Variants in DNAI2 observed in about 807,000 individuals in gnomAD.
DNAI2 encodes the protein dynein, axonemal, intermediate polypeptide 2.
In DNAI2, 63 loss-of-function variants were observed where a neutral mutation model predicts 74.7. The observed-to-expected ratio is 0.84, with a 90% CI of 0.69 to 1.04. The LOEUF (loss-of-function observed/expected upper bound fraction) is 1.04, where lower values mean the gene tolerates loss of function less well. DNAI2 is among the 50% of genes least tolerant of loss of function. DNAI2 has a pLI of 0.00. For synonymous variants in DNAI2, 289 were observed against 314.9 expected (o/e 0.92, Z 0.87); for missense variants, 688 against 803.2 (o/e 0.86, Z 1.73).
At position 74,276,713 on chromosome 17, in the gene DNAI2, G is replaced by C. The variant is rs563714401; in HGVS notation, c.-12+2368G>C. Among the ~76,000 whole-genome samples, 5 of 152,334 alleles carry C rather than the reference G, an allele frequency of 3.3e-5. No individual in the cohort carries two copies. In the South Asian group the frequency reaches 8.3e-4, roughly 25 times the overall value. Reference sequence around the variant, plus strand: ...GGGGCTTGGCCTTGGGAAACACCAAGAAGGAAAGCAAAGCTGTTAAAAATC... The same window carrying C: ...GGGGCTTGGCCTTGGGAAACACCAACAAGGAAAGCAAAGCTGTTAAAAATC... On this transcript the variant is annotated intron_variant, in intron 1 of 13. Transcript: ENST00000311014.
At chr17:74,313,205 T>G (rs1306304753) in intron 12 of DNAI2, among the ~76,000 whole-genome samples, 2 of 152,052 alleles carry the variant, frequency 1.3e-5, no homozygotes, top group Admixed American at 6.6e-5. Context: ...CCTGATAGAG[T>G]GGACAGAGCG....
At chr17:74,308,093 C>T (rs1474122176) in intron 9 of DNAI2, among the ~76,000 whole-genome samples, 1 of 152,178 alleles carries the variant, frequency 6.6e-6, no homozygotes, top group African/African-American at 2.4e-5. Context: ...CCACCGCGCC[C>T]GGCCCAGATC....
chr17:74,276,617 G>A (rs1485415446), intron 1 of DNAI2, among the ~76,000 whole-genome samples: 5 of 152,136 alleles, frequency 3.3e-5, no homozygotes, highest in East Asian at 1.9e-4. Flanking sequence ...TTGTCTTCCC[G>A]TCACCAGGCC....
chr17:74,299,321 C>T (rs1293448080), intron 6 of DNAI2, among the ~76,000 whole-genome samples: 1 of 152,094 alleles, frequency 6.6e-6, no homozygotes, highest in African/African-American at 2.4e-5. Context: ...GTTAGGGACT[C>T]GGCTCTCCTC....
At chr17:74,299,357 C>T (rs763426265) in intron 6 of DNAI2, among the ~76,000 whole-genome samples, 3 of 152,124 alleles carry the variant, frequency 2.0e-5, no homozygotes, top group Non-Finnish European at 4.4e-5. Flanking sequence ...CATCCTGAGG[C>T]TCATCTTCCA....
rs1567883154 is a variant in DNAI2 at position 74,314,207 on chromosome 17, CTT to C, written c.1810_1811del (p.Leu604SerfsTer21). 6 of 1,614,184 alleles carry C rather than the reference CTT, an allele frequency of 3.7e-6. No homozygotes were observed. In the South Asian group the frequency reaches 4.4e-5, roughly 12 times the overall value. ...EEGDEEVEED[L>X]A Reference sequence around the variant, plus strand: ...AAGGGGATGAAGAAGTGGAAGAAGACTTAGCCTAGAAGTCAGCCTTCGACTGC... The same window carrying C: ...AAGGGGATGAAGAAGTGGAAGAAGACAGCCTAGAAGTCAGCCTTCGACTGC... On this transcript the variant is annotated frameshift_variant, in exon 13 of 14. Transcript: ENST00000311014. LOFTEE classifies it high-confidence loss of function.
Position 74,300,517 on chromosome 17 carries a change from C to T in DNAI2, c.865-529C>T, listed in dbSNP as rs963127735. 1.3e-5 allele frequency among the ~76,000 whole-genome samples: 2 copies of T among 152,204 alleles called. No homozygotes were observed. Among genetic ancestry groups the T allele is most frequent in the African/African-American group, 4.8e-5 (2 of 41,456 alleles). ...TGGAGATAGTTTCATATTTCATACA[C>T]CGCTGCCCCATGCCTATTAATAACT... is the stretch of plus-strand genomic sequence containing the variant. On this transcript the variant is annotated intron_variant, in intron 7 of 13. Transcript: ENST00000311014. The surrounding 1 kb of genome is among the most constrained non-coding windows in gnomAD (Gnocchi z 4.5).
chr17:74,289,122 G>A (rs2051923954), intron 4 of DNAI2, among the ~76,000 whole-genome samples: 1 of 152,226 alleles, frequency 6.6e-6, no homozygotes, highest in African/African-American at 2.4e-5. Flanking sequence ...TGTCAGCAAG[G>A]GGTGTGCAGG....
At chr17:74,314,481 C>A in intron 13 of DNAI2, 108 bp from the exon 14 acceptor site, 1 of 525,056 alleles carries the variant, frequency 1.9e-6, no homozygotes, top group Non-Finnish European at 3.3e-6. Flanking sequence ...CTCAGCCACC[C>A]TGAGCCCACC....
chr17:74,298,494 A>T (rs2052575897), intron 6 of DNAI2, among the ~76,000 whole-genome samples: 1 of 151,718 alleles, frequency 6.6e-6, no homozygotes, highest in African/African-American at 2.4e-5. Flanking sequence ...TTTAGTAAAG[A>T]TGGGGTTTCA....
chr17:74,312,320 G>T, intron 12 of DNAI2, 90 bp downstream of exon 12: 3 of 1,059,600 alleles, frequency 2.8e-6, no homozygotes, highest in Admixed American at 2.1e-5. Context: ...CTTCCTGGGT[G>T]ACCTTGAGCA....
At chr17:74,283,412 G>C (rs1422736137) in intron 2 of DNAI2, among the ~76,000 whole-genome samples, 2 of 152,144 alleles carry the variant, frequency 1.3e-5, no homozygotes, top group Non-Finnish European at 2.9e-5. Flanking sequence ...TTTGAGACCA[G>C]CCTGGGCAAC....
chr17:74,311,351 C>T (rs181933227), intron 11 of DNAI2, among the ~76,000 whole-genome samples: 32 of 152,228 alleles, frequency 2.1e-4, no homozygotes, highest in Admixed American at 7.8e-4. Flanking sequence ...TGGTGGCTCA[C>T]GCCTGTAATC....
chr17:74,304,186 C>CTTTTTTTT (rs56696514), intron 8 of DNAI2, among the ~76,000 whole-genome samples: 963 of 67,716 alleles, frequency 0.014, 12 homozygotes, highest in Non-Finnish European at 0.018. Context: ...TTTCTTTTTT[C>CTTTTTTTT]TTTTTTTTTT....
intron 4 of DNAI2, among the ~76,000 whole-genome samples, chr17:74,288,189 C>T (rs1193841504): frequency 1.3e-5 from 2 of 152,132 alleles, no homozygotes; most frequent in Non-Finnish European, 2.9e-5. Context: ...TGTTTTCCAC[C>T]CTCAGTACAG....
intron 3 of DNAI2, among the ~76,000 whole-genome samples, chr17:74,286,733 G>T (rs2051766870): frequency 6.6e-6 from 1 of 152,290 alleles, no homozygotes; most frequent in South Asian, 2.1e-4. Context: ...CCCATCAAAT[G>T]TTAATGCTAT....
chr17:74,289,760 G>T lies in DNAI2; in HGVS notation c.610+24G>T, dbSNP rs189241855. On this transcript the variant is annotated intron_variant, in intron 5 of 13. Transcript: ENST00000311014. ...GGGTGAGAAGCAGCGGGGTCCTGGT[G>T]GCCTGGGAGGGCTGAGGGCTGGGAC... 5.0e-6 allele frequency: 8 copies of T among 1,613,536 alleles called. No homozygotes were observed. In the Admixed American group the frequency reaches 1.3e-4, roughly 27 times the overall value.
chr17:74,312,144 A>G lies in DNAI2; in HGVS notation c.1636A>G (p.Ser546Gly), dbSNP rs771788368. 2 of 1,613,804 alleles carry G rather than the reference A, an allele frequency of 1.2e-6. No homozygotes were observed. Among genetic ancestry groups the G allele is most frequent in the Non-Finnish European group, 8.5e-7 (1 of 1,179,946 alleles). The change falls in exon 12 of 14, where the codon AGC becomes GGC. Residue 546 changes from serine (S) to glycine (G), a missense_variant. Physicochemically the swap from Ser to Gly is moderately conservative, Grantham distance 56. Transcript: ENST00000311014. ...ELAVDLEALV[S>G]KAEEEFFDII... ...GGCCGTAGACCTGGAGGCGCTGGTC[A>G]GCAAGGCCGAGGAGGAGTTCTTCGA...
At chr17:74,278,984 G>A (rs574808872) in intron 1 of DNAI2, among the ~76,000 whole-genome samples, 17 of 152,116 alleles carry the variant, frequency 1.1e-4, no homozygotes, top group South Asian at 4.1e-4. Context: ...TGGCTAACAC[G>A]GTGAAACCCC....
Sources: allele counts gnomAD v4.1 joint callset (sites outside exome capture counted in the v4.1 genomes callset), GRCh38; gene constraint gnomAD v4.1.1; non-coding constraint Gnocchi (gnomAD v3.1); transcripts MANE v1.5; gene names NCBI Gene and HGNC (gene_info 2026-07-23, HGNC 2026-07-21).